SLC44A5: variants seen among roughly 807,000 people sequenced by gnomAD.
SLC44A5 encodes solute carrier family 44 member 5, also known as choline transporter-like protein 5.
A neutral mutation model predicts 101.8 loss-of-function variants in SLC44A5; 57 were observed. The observed-to-expected ratio is 0.56, with a 90% CI of 0.45 to 0.70. SLC44A5 has a LOEUF of 0.70. Ranked by LOEUF, SLC44A5 falls within the 30% of genes least tolerant of loss-of-function variation. The pLI, the probability that SLC44A5 is intolerant of heterozygous loss-of-function variation, is 0.00. For missense variants in SLC44A5, 737 were observed against 853.1 expected (o/e 0.86, Z 1.70); for synonymous variants, 281 against 290.9 (o/e 0.97, Z 0.35).
rs920742357 is a variant in SLC44A5, at chr1:75,481,782, T to C, written c.13+59653A>G. Among the ~76,000 whole-genome samples the C allele has an allele frequency of 4.6e-5, 7 of 152,236 alleles. No homozygotes were observed. The South Asian group carries it at 8.3e-4, about 18-fold the overall frequency. Reference sequence around the variant, plus strand: ...AGGTGCTGGAGAAGATGTGGAGAAATAGGAACACTTTTACACTATTGGTGG... The same window carrying C: ...AGGTGCTGGAGAAGATGTGGAGAAACAGGAACACTTTTACACTATTGGTGG... On this transcript the variant is annotated intron_variant, in intron 2 of 23. Transcript: ENST00000370859.
chr1:75,389,086 G>T (rs532181880), intron 3 of SLC44A5, among the ~76,000 whole-genome samples: 1 of 152,030 alleles, frequency 6.6e-6, no homozygotes, highest in Non-Finnish European at 1.5e-5. Flanking sequence ...GACAAAAAAA[G>T]GGTATTACAT....
chr1:75,488,878 C>G (rs1397268712), intron 2 of SLC44A5, among the ~76,000 whole-genome samples: 1 of 152,090 alleles, frequency 6.6e-6, no homozygotes, highest in Non-Finnish European at 1.5e-5. Context: ...GACTGAGTTT[C>G]GATCTTGTTG....
chr1:75,451,666 T>C (rs972139130), intron 2 of SLC44A5, among the ~76,000 whole-genome samples: 6 of 152,110 alleles, frequency 3.9e-5, no homozygotes, highest in Non-Finnish European at 8.8e-5. Flanking sequence ...CATTCTGTCT[T>C]CTGAAATTGA....
chr1:75,446,978 T>C (rs972645642), intron 2 of SLC44A5, among the ~76,000 whole-genome samples: 1 of 152,184 alleles, frequency 6.6e-6, no homozygotes, highest in Non-Finnish European at 1.5e-5. Flanking sequence ...TACATTGTAT[T>C]ATTCTTTAAT....
chr1:75,577,286 C>T (rs975564482), intron 1 of SLC44A5, among the ~76,000 whole-genome samples: 1 of 152,184 alleles, frequency 6.6e-6, no homozygotes, highest in Admixed American at 6.5e-5. Context: ...TGTCTTTTCT[C>T]AAACCATTCA....
intron 2 of SLC44A5, among the ~76,000 whole-genome samples, chr1:75,415,011 T>C (rs998415820): frequency 6.6e-6 from 1 of 152,036 alleles, no homozygotes; most frequent in Admixed American, 6.6e-5. Flanking sequence ...GAGAAGGAAA[T>C]AAGGATGATG....
the SLC44A5 span, among the ~76,000 whole-genome samples, chr1:75,711,987 G>A: frequency 1.3e-5 from 2 of 152,192 alleles, no homozygotes; most frequent in Non-Finnish European, 2.9e-5. Context: ...TCTGGATTAT[G>A]CTCTATTCTT....
intron 4 of SLC44A5, among the ~76,000 whole-genome samples, chr1:75,303,963 A>ATT (rs1404989166): frequency 6.6e-6 from 1 of 152,228 alleles, no homozygotes; most frequent in Admixed American, 6.5e-5. Context: ...ATAATTAAAA[A>ATT]AATATATCTC....
chr1:75,675,999 A>C, the SLC44A5 span, among the ~76,000 whole-genome samples: 1 of 152,242 alleles, frequency 6.6e-6, no homozygotes, highest in Admixed American at 6.5e-5. Flanking sequence ...CTGCAATGAG[A>C]TATCATCTCA....
intron 6 of SLC44A5, among the ~76,000 whole-genome samples, chr1:75,270,519 T>A (rs2100729650): frequency 6.6e-6 from 1 of 152,152 alleles, no homozygotes; most frequent in East Asian, 1.9e-4. Flanking sequence ...TATACAAAAA[T>A]AAATTTCTAG....
intron 1 of SLC44A5, among the ~76,000 whole-genome samples, chr1:75,564,579 T>A (rs903859962): frequency 9.9e-6 from 1 of 101,236 alleles, no homozygotes; most frequent in African/African-American, 3.1e-5. Flanking sequence ...CAACCCTGAT[T>A]TATTTATTTA....
chr1:75,526,232 C>A (rs1352767311), intron 2 of SLC44A5, among the ~76,000 whole-genome samples: 1 of 152,178 alleles, frequency 6.6e-6, no homozygotes, highest in Admixed American at 6.5e-5. Flanking sequence ...CTTCTACCTC[C>A]TCCATCTTTG....
At chr1:75,249,271 C>T (rs148704431) in intron 7 of SLC44A5, among the ~76,000 whole-genome samples, 18 of 152,012 alleles carry the variant, frequency 1.2e-4, no homozygotes, top group South Asian at 4.2e-4. Context: ...GTATAGTTAC[C>T]GGCACATGGA....
chr1:75,405,441 A>G (rs1258224241), intron 2 of SLC44A5, among the ~76,000 whole-genome samples: 1 of 152,218 alleles, frequency 6.6e-6, no homozygotes, highest in Admixed American at 6.6e-5. Context: ...TCTAAAATTG[A>G]CCACATAATT....
intron 5 of SLC44A5, among the ~76,000 whole-genome samples, chr1:75,298,605 T>TA (rs1194577153): frequency 1.3e-5 from 2 of 152,052 alleles, no homozygotes; most frequent in Non-Finnish European, 2.9e-5. Flanking sequence ...GTGGACTACA[T>TA]TAGACTGGCT....
chr1:75,292,724 G>A (rs1256483596), intron 5 of SLC44A5, among the ~76,000 whole-genome samples: 3 of 152,154 alleles, frequency 2.0e-5, no homozygotes, highest in African/African-American at 4.8e-5. Flanking sequence ...TTGGATACTC[G>A]CTGTTTTAAG....
chr1:75,228,672 T>G (rs1450951906), intron 12 of SLC44A5, among the ~76,000 whole-genome samples: 1 of 151,914 alleles, frequency 6.6e-6, no homozygotes, highest in Non-Finnish European at 1.5e-5. Flanking sequence ...ATTTTTTGTT[T>G]GTTTACTTAT....
the SLC44A5 span, among the ~76,000 whole-genome samples, chr1:75,697,301 G>C: frequency 2.0e-5 from 3 of 152,104 alleles, no homozygotes; most frequent in African/African-American, 7.2e-5. Flanking sequence ...ATCTATTTTT[G>C]TGACAAAGGC....
chr1:75,346,507 A>AG (rs1264808848), intron 3 of SLC44A5, among the ~76,000 whole-genome samples: 1 of 152,168 alleles, frequency 6.6e-6, no homozygotes, highest in Non-Finnish European at 1.5e-5. Flanking sequence ...ATGGACGTTT[A>AG]GGGGGCATTT....
Sources: gnomAD v4.1 joint callset for allele counts (sites outside exome capture counted in the v4.1 genomes callset) on GRCh38, gnomAD v4.1.1 for gene constraint, MANE v1.5 for transcripts, NCBI Gene and HGNC (gene_info 2026-07-23, HGNC 2026-07-21) for gene names.